ADORA2B: variants seen among roughly 807,000 people sequenced by gnomAD.
The protein encoded by ADORA2B is adenosine A2b receptor.
ADORA2B carries 18 observed loss-of-function variants against 20.8 expected under a neutral mutation model. The observed-to-expected ratio is 0.87, with a 90% CI of 0.60 to 1.29. The LOEUF (loss-of-function observed/expected upper bound fraction) is 1.29, where lower values mean the gene tolerates loss of function less well. Among genes scored for constraint, ADORA2B ranks in the 50% most tolerant of loss-of-function variants. The probability of loss-of-function intolerance (pLI) is 0.00; values close to 1 mark genes in which losing one functional copy is unlikely to be tolerated. For synonymous variants in ADORA2B, 179 were observed against 178.3 expected (o/e 1.00, Z -0.03); for missense variants, 441 against 422.7 (o/e 1.04, Z -0.38).
intron 1 of ADORA2B, among the ~76,000 whole-genome samples, chr17:15,948,407 G>GGGGGGGGGGGGGGGGGGGGGGC (rs56222691): frequency 3.0e-5 from 1 of 33,688 alleles, no homozygotes; most frequent in African/African-American, 5.4e-5. Context: ...GCGGCGGGGG[G>GGGGGGGGGGGGGGGGGGGGGGC]CTCCAGTCCC....
chr17:15,880,556 G>A, the ADORA2B span, among the ~76,000 whole-genome samples: 1 of 140,238 alleles, frequency 7.1e-6, no homozygotes, highest in African/African-American at 2.8e-5. Context: ...GGAGCAAGAG[G>A]GACTCCAAAG....
chr17:15,890,007 C>T, the ADORA2B span, among the ~76,000 whole-genome samples: 23 of 130,150 alleles, frequency 1.8e-4, 3 homozygotes, highest in East Asian at 4.7e-3. Context: ...GTGGGTGTGT[C>T]GTGTCCATTT....
At chr17:15,947,067 G>T (rs1463682144) in intron 1 of ADORA2B, among the ~76,000 whole-genome samples, 1 of 152,182 alleles carries the variant, frequency 6.6e-6, no homozygotes, top group African/African-American at 2.4e-5. Flanking sequence ...CCTTATGTGG[G>T]TGTCTGGCCA....
At chr17:15,901,844 A>T in the ADORA2B span, among the ~76,000 whole-genome samples, 3 of 152,214 alleles carry the variant, frequency 2.0e-5, no homozygotes, top group Non-Finnish European at 4.4e-5. Context: ...AGCTCCCAAG[A>T]GCAAGAAGTT....
chr17:15,908,051 G>A, the ADORA2B span, among the ~76,000 whole-genome samples: 1 of 152,126 alleles, frequency 6.6e-6, no homozygotes, highest in Admixed American at 6.5e-5. Context: ...TTAAAAACTT[G>A]GAAATCATCT....
At chr17:15,866,700 T>TGCCGCTGCCG in the ADORA2B span, among the ~76,000 whole-genome samples, 37 of 123,214 alleles carry the variant, frequency 3.0e-4, no homozygotes, top group African/African-American at 9.6e-4. Flanking sequence ...TGCCTCTGCC[T>TGCCGCTGCCG]CTGCCGCTGC....
At chr17:15,930,269 A>G in the ADORA2B span, among the ~76,000 whole-genome samples, 1 of 147,802 alleles carries the variant, frequency 6.8e-6, no homozygotes, top group African/African-American at 2.5e-5. Flanking sequence ...AGACACTACA[A>G]TTGGTTTATG....
chr17:15,862,658 C>G, the ADORA2B span, among the ~76,000 whole-genome samples: 2 of 151,924 alleles, frequency 1.3e-5, no homozygotes, highest in African/African-American at 4.8e-5. Flanking sequence ...TTCAGCTTAC[C>G]TTTGGTATCT....
At chr17:15,918,405 A>AT in the ADORA2B span, among the ~76,000 whole-genome samples, 1 of 152,218 alleles carries the variant, frequency 6.6e-6, no homozygotes, top group Non-Finnish European at 1.5e-5. Flanking sequence ...TTGTAGGCTG[A>AT]GTACAGTCAC....
At chr17:15,955,006 T>A (rs1242445631) in intron 1 of ADORA2B, among the ~76,000 whole-genome samples, 1 of 152,200 alleles carries the variant, frequency 6.6e-6, no homozygotes, top group Non-Finnish European at 1.5e-5. Context: ...TCTTACTTTT[T>A]TTTTTCATTG....
the ADORA2B span, among the ~76,000 whole-genome samples, chr17:15,932,767 A>C: frequency 6.6e-6 from 1 of 152,050 alleles, no homozygotes; most frequent in Admixed American, 6.6e-5. Context: ...AAATGTAAGC[A>C]TTTATTTCTG....
the ADORA2B span, among the ~76,000 whole-genome samples, chr17:15,900,679 G>A: frequency 0.019 from 2,954 of 152,074 alleles, 76 homozygotes; most frequent in Admixed American, 0.045. Flanking sequence ...TGAACTCCTG[G>A]GATCAAGCAA....
At chr17:15,915,581 A>G in the ADORA2B span, among the ~76,000 whole-genome samples, 3 of 150,128 alleles carry the variant, frequency 2.0e-5, no homozygotes, top group East Asian at 1.9e-4. Context: ...AACAGCCCCA[A>G]TAGGAGATAG....
chr17:15,878,747 A>C, the ADORA2B span, among the ~76,000 whole-genome samples: 1 of 152,194 alleles, frequency 6.6e-6, no homozygotes, highest in Admixed American at 6.5e-5. Flanking sequence ...AATTAAGGGA[A>C]GCTTACATCT....
the ADORA2B span, among the ~76,000 whole-genome samples, chr17:15,934,513 C>T: frequency 1.3e-5 from 2 of 152,128 alleles, no homozygotes; most frequent in Admixed American, 6.6e-5. Flanking sequence ...CGTGAGCCAC[C>T]GCGCCCGACC....
chr17:15,954,906 G>A (rs1969948115), intron 1 of ADORA2B, among the ~76,000 whole-genome samples: 1 of 152,176 alleles, frequency 6.6e-6, no homozygotes, highest in African/African-American at 2.4e-5. Context: ...ATTCTTACTT[G>A]TAACTTGTAT....
chr17:15,943,586 G>T (rs755030980), upstream of ADORA2B, among the ~76,000 whole-genome samples: 2 of 152,172 alleles, frequency 1.3e-5, no homozygotes, highest in African/African-American at 2.4e-5. Flanking sequence ...TCCTGTCTTG[G>T]CCTCCCAAAG....
the ADORA2B span, among the ~76,000 whole-genome samples, chr17:15,892,991 C>T: frequency 1.3e-5 from 2 of 152,194 alleles, no homozygotes; most frequent in Non-Finnish European, 2.9e-5. Context: ...TTCATGAGTA[C>T]TGTCTCTACA....
chr17:15,891,833 C>T, the ADORA2B span, among the ~76,000 whole-genome samples: 18 of 148,718 alleles, frequency 1.2e-4, no homozygotes, highest in Non-Finnish European at 2.1e-4. Context: ...AGGCGTGCGC[C>T]ACAATGCCCA....
Sources: allele counts gnomAD v4.1 joint callset (sites outside exome capture counted in the v4.1 genomes callset), GRCh38; gene constraint gnomAD v4.1.1; transcripts MANE v1.5; gene names NCBI Gene and HGNC (gene_info 2026-07-23, HGNC 2026-07-21).